The following RGS20 variants were observed in gnomAD, a reference collection of about 807,000 sequenced individuals.
RGS20 encodes gz-selective GTPase-activating protein.
In RGS20, 30 loss-of-function variants were observed where a neutral mutation model predicts 33.6. That is an observed-to-expected ratio of 0.89 (90% CI 0.67 to 1.21). The LOEUF (loss-of-function observed/expected upper bound fraction) is 1.21, where lower values mean the gene tolerates loss of function less well. Ranked by LOEUF, RGS20 falls within the 50% of genes most tolerant of loss-of-function variation. RGS20 has a pLI of 0.00. For synonymous variants in RGS20, 208 were observed against 197.9 expected (o/e 1.05, Z -0.43); for missense variants, 472 against 502.4 (o/e 0.94, Z 0.58).
intron 2 of RGS20, among the ~76,000 whole-genome samples, chr8:53,912,621 A>G (rs907107897): frequency 9.2e-5 from 14 of 152,042 alleles, no homozygotes; most frequent in African/African-American, 3.4e-4. Flanking sequence ...ATTTTTCTAA[A>G]TTTACTTTTG....
chr8:53,881,061 G>A (rs1223737373), intron 2 of RGS20: 2 of 1,548,938 alleles, frequency 1.3e-6, no homozygotes, highest in Non-Finnish European at 1.7e-6. Context: ...TTCCTCCCCG[G>A]CCGGCAGGGT....
intron 2 of RGS20, chr8:53,879,744 G>C (rs927651480): frequency 1.4e-6 from 1 of 706,820 alleles, no homozygotes; most frequent in African/African-American, 1.9e-5. Flanking sequence ...CCGGGACGTG[G>C]CTGGGCAAGT....
chr8:53,946,885 C>T (rs1814496922), intron 4 of RGS20, 137 bp downstream of exon 3: 4 of 611,126 alleles, frequency 6.5e-6, no homozygotes, highest in South Asian at 2.7e-5. Flanking sequence ...TATGTGGCCT[C>T]GCATTCCTCC....
chr8:53,866,856 G>C (rs1212387796), intron 1 of RGS20, among the ~76,000 whole-genome samples: 1 of 152,172 alleles, frequency 6.6e-6, no homozygotes, highest in Admixed American at 6.5e-5. Context: ...GGGGAGGCAG[G>C]TTGGCTCTCG....
At chr8:53,860,135 T>C (rs1422626082) in intron 1 of RGS20, among the ~76,000 whole-genome samples, 1 of 152,226 alleles carries the variant, frequency 6.6e-6, no homozygotes, top group East Asian at 1.9e-4. Flanking sequence ...AGCTCCTGCA[T>C]TTCAAATGAC....
chr8:53,896,736 C>A (rs1320414408), intron 2 of RGS20, among the ~76,000 whole-genome samples: 1 of 152,298 alleles, frequency 6.6e-6, no homozygotes, highest in Non-Finnish European at 1.5e-5. Context: ...TTTCAACATT[C>A]AGCATTTTCA....
At chr8:53,950,489 T>C (rs1040483085) in intron 4 of RGS20, among the ~76,000 whole-genome samples, 11 of 152,334 alleles carry the variant, frequency 7.2e-5, no homozygotes, top group African/African-American at 2.6e-4. Context: ...GAGTGTCATG[T>C]CAATGCTCAA....
chr8:53,859,215 A>G (rs1811753215), intron 1 of RGS20, among the ~76,000 whole-genome samples: 1 of 152,226 alleles, frequency 6.6e-6, no homozygotes, highest in Admixed American at 6.5e-5. Flanking sequence ...CAAACTTTTC[A>G]TATTCTATTT....
Position 53,958,278 on chromosome 8 carries a change from A to C in RGS20, c.987A>C (p.Leu329Phe). ...CTCGTTTCTGTCGACAGGTGAGCTT[A>C]GACTCCCGGGTGAGAGAAGTGATCA... Residue 329 changes from leucine (L) to phenylalanine (F), a missense_variant, in exon 6 of 6, where the codon TTA becomes TTC. Physicochemically the swap from Leu to Phe is conservative, Grantham distance 22. Coordinates refer to ENST00000297313, the MANE Select transcript of RGS20 (RefSeq NM_170587.4). 2.5e-6 allele frequency: 4 copies of C among 1,608,928 alleles called. No homozygotes were observed. Among genetic ancestry groups the C allele is most frequent in the Non-Finnish European group, 2.5e-6 (3 of 1,177,142 alleles).
chr8:53,942,826 TA>T (rs60067329), intron 3 of RGS20, among the ~76,000 whole-genome samples: 72,345 of 125,592 alleles, frequency 0.58, 21,682 homozygotes, highest in African/African-American at 0.82. Flanking sequence ...ATGTCTCCAC[TA>T]AAAAAAAAAA....
intron 1 of RGS20, chr8:53,852,129 A>T: frequency 7.0e-7 from 1 of 1,436,460 alleles, no homozygotes; most frequent in Non-Finnish European, 9.4e-7. Flanking sequence ...CAGAAAGAAT[A>T]TAAAACTATA....
chr8:53,922,595 C>T (rs1323703301), intron 2 of RGS20, among the ~76,000 whole-genome samples: 2 of 152,052 alleles, frequency 1.3e-5, no homozygotes, highest in Non-Finnish European at 2.9e-5. Flanking sequence ...CCCTTATTAA[C>T]TTCCTTTGTT....
chr8:53,899,507 T>A (rs1812953617), intron 2 of RGS20, among the ~76,000 whole-genome samples: 1 of 152,148 alleles, frequency 6.6e-6, no homozygotes, highest in South Asian at 2.1e-4. Context: ...ATCACTGCAA[T>A]TCATTTTAGA....
intron 2 of RGS20, among the ~76,000 whole-genome samples, chr8:53,916,385 T>C (rs966426885): frequency 3.3e-5 from 5 of 152,116 alleles, no homozygotes; most frequent in Non-Finnish European, 7.4e-5. Context: ...AAATTCTAGA[T>C]TTACTATTGT....
At chr8:53,916,817 C>A (rs1476609660) in intron 2 of RGS20, among the ~76,000 whole-genome samples, 1 of 152,142 alleles carries the variant, frequency 6.6e-6, no homozygotes, top group Non-Finnish European at 1.5e-5. Context: ...GATCAAGGCA[C>A]TGGCAGATAG....
chr8:53,906,197 C>T (rs577895040), intron 2 of RGS20, among the ~76,000 whole-genome samples: 2 of 152,096 alleles, frequency 1.3e-5, no homozygotes, highest in Admixed American at 1.3e-4. Flanking sequence ...GGGCGGATCA[C>T]GACCTCGTCC....
chr8:53,917,154 G>GTTTTGTTTTT (rs1337016238), intron 2 of RGS20, among the ~76,000 whole-genome samples: 3 of 151,894 alleles, frequency 2.0e-5, no homozygotes. Context: ...GTTTTGTTTT[G>GTTTTGTTTTT]TTTTGTTTTT....
intron 2 of RGS20, among the ~76,000 whole-genome samples, chr8:53,923,281 T>C (rs1485083441): frequency 6.6e-6 from 1 of 152,080 alleles, no homozygotes; most frequent in African/African-American, 2.4e-5. Flanking sequence ...AGCAGAAATA[T>C]ACGTATAGAG....
intron 2 of RGS20, among the ~76,000 whole-genome samples, chr8:53,932,567 CTG>C (rs1262965501): frequency 1.3e-5 from 2 of 152,206 alleles, no homozygotes; most frequent in East Asian, 1.9e-4. Context: ...TGTAGCCAGA[CTG>C]TATCTCTAGA....
Sources: gnomAD v4.1 joint callset for allele counts (sites outside exome capture counted in the v4.1 genomes callset) on GRCh38, gnomAD v4.1.1 for gene constraint, MANE v1.5 for transcripts, NCBI Gene and HGNC (gene_info 2026-07-23, HGNC 2026-07-21) for gene names.